STARD13: variants seen among roughly 807,000 people sequenced by gnomAD.
The protein encoded by STARD13 is stAR-related lipid transfer protein 13.
STARD13 carries 62 observed loss-of-function variants against 106.4 expected under a neutral mutation model. The ratio of observed to expected loss-of-function variants is 0.58; its 90% confidence interval spans 0.48 to 0.72. The LOEUF (loss-of-function observed/expected upper bound fraction) is 0.72. Among genes scored for constraint, STARD13 ranks in the 30% least tolerant of loss-of-function variants. The probability of loss-of-function intolerance (pLI) is 0.00; values close to 1 mark genes in which losing one functional copy is unlikely to be tolerated. For missense variants in STARD13, 1,387 were observed against 1,424.0 expected (o/e 0.97, Z 0.42); for synonymous variants, 565 against 553.0 (o/e 1.02, Z -0.31).
intron 1 of STARD13, among the ~76,000 whole-genome samples, chr13:33,255,104 C>CA (rs139016091): frequency 2.8e-5 from 4 of 144,780 alleles, no homozygotes; most frequent in East Asian, 3.9e-4. Flanking sequence ...GTGCTCCCCC[C>CA]CCCCTCAGAG....
chr13:33,396,702 G>A, the STARD13 span, among the ~76,000 whole-genome samples: 1 of 152,148 alleles, frequency 6.6e-6, no homozygotes, highest in Non-Finnish European at 1.5e-5. Flanking sequence ...ATTCTACCAT[G>A]TTGGGGTAGA....
At chr13:33,468,288 A>G in the STARD13 span, among the ~76,000 whole-genome samples, 1 of 152,140 alleles carries the variant, frequency 6.6e-6, no homozygotes, top group African/African-American at 2.4e-5. Flanking sequence ...GATGTGAAAC[A>G]TTTTATCTTT....
chr13:33,143,066 G>A (rs1420402054), intron 3 of STARD13, among the ~76,000 whole-genome samples: 1 of 152,300 alleles, frequency 6.6e-6, no homozygotes, highest in South Asian at 2.1e-4. Flanking sequence ...GACATCTACA[G>A]GTCACAGGAC....
At chr13:33,420,445 T>C in the STARD13 span, among the ~76,000 whole-genome samples, 1 of 152,184 alleles carries the variant, frequency 6.6e-6, no homozygotes, top group Non-Finnish European at 1.5e-5. Flanking sequence ...AGCACCTGGA[T>C]TTATAAAGCA....
chr13:33,608,127 G>T, the STARD13 span, among the ~76,000 whole-genome samples: 2 of 152,048 alleles, frequency 1.3e-5, no homozygotes, highest in African/African-American at 4.8e-5. Flanking sequence ...GACTGGTCTG[G>T]AACTCCAGGC....
chr13:33,348,856 G>A, exon 2 of STARD13: 1 of 387,056 alleles, frequency 2.6e-6, no homozygotes, highest in South Asian at 3.1e-5. Context: ...TGGCCACTGT[G>A]TTGGAGAGAA....
intron 1 of STARD13, among the ~76,000 whole-genome samples, chr13:33,270,549 T>C (rs145817790): frequency 2.0e-5 from 3 of 152,324 alleles, no homozygotes; most frequent in Non-Finnish European, 4.4e-5. Context: ...AGTATTCCCA[T>C]TTCATAGATT....
intron 1 of STARD13, among the ~76,000 whole-genome samples, chr13:33,322,386 G>A (rs1055294833): frequency 9.2e-5 from 14 of 152,150 alleles, no homozygotes; most frequent in African/African-American, 1.7e-4. Flanking sequence ...CGTTTGTACC[G>A]TTCTCCACGC....
the STARD13 span, among the ~76,000 whole-genome samples, chr13:33,366,180 A>G: frequency 6.6e-6 from 1 of 152,090 alleles, no homozygotes; most frequent in Non-Finnish European, 1.5e-5. This position sits in a 1 kb window ranked among gnomAD's most constrained non-coding sequence, Gnocchi z 4.2. Flanking sequence ...CATCACTTAT[A>G]TGTATATATT....
intron 1 of STARD13, among the ~76,000 whole-genome samples, chr13:33,303,343 G>T (rs1282147358): frequency 6.6e-6 from 1 of 152,160 alleles, no homozygotes; most frequent in Admixed American, 6.6e-5. Context: ...AGGCAGTGTG[G>T]TATATCAGAA....
chr13:33,671,215 C>A, the STARD13 span, among the ~76,000 whole-genome samples: 24 of 152,168 alleles, frequency 1.6e-4, no homozygotes, highest in African/African-American at 5.8e-4. Context: ...AACTGTTCAG[C>A]AATTAATTAA....
intron 3 of STARD13, 107 bp downstream of exon 3, chr13:33,165,230 A>T: frequency 1.2e-6 from 1 of 825,540 alleles, no homozygotes; most frequent in Non-Finnish European, 2.1e-6. Context: ...GGCACATGGT[A>T]GGCACTCAGT....
In STARD13 at chr13:33,104,252, T is replaced by C. The variant is rs1465754447; in HGVS notation, c.*1341A>G. On this transcript the variant is annotated 3_prime_UTR_variant, in exon 14 of 14. Transcript: ENST00000336934. ...ACAATAAAAAGCACATTCGATCCAT[T>C]AGCAGTTGGCTAAAGGGAGTCAATT... 6.6e-6 allele frequency: 1 copy of C among 152,246 alleles called. No individual in the cohort carries two copies. Among genetic ancestry groups the C allele is most frequent in the Non-Finnish European group, 1.5e-5 (1 of 68,036 alleles). The allele number at this position is 152,246 out of a possible 1,614,324, so 9.4% of individuals were successfully genotyped here.
chr13:33,459,920 T>C, the STARD13 span, among the ~76,000 whole-genome samples: 1 of 152,240 alleles, frequency 6.6e-6, no homozygotes, highest in Admixed American at 6.5e-5. Flanking sequence ...GATGCCATTC[T>C]AACCTTTGTT....
At chr13:33,277,829 G>C (rs1457660428) in intron 1 of STARD13, 4 of 152,166 alleles carry the variant, frequency 2.6e-5, no homozygotes, top group Non-Finnish European at 5.9e-5. Context: ...TACCGACTCA[G>C]CTTTCTGTTC....
chr13:33,219,062 T>C (rs1397795135), intron 1 of STARD13, among the ~76,000 whole-genome samples: 1 of 152,198 alleles, frequency 6.6e-6, no homozygotes, highest in Admixed American at 6.5e-5. Context: ...GTGTTTACTA[T>C]ATCTATTGTG....
chr13:33,499,511 C>CTTCT, the STARD13 span, among the ~76,000 whole-genome samples: 539 of 69,100 alleles, frequency 7.8e-3, 73 homozygotes, highest in African/African-American at 0.03. Flanking sequence ...TCTTCTTCTT[C>CTTCT]TTCTTTCTTT....
the STARD13 span, among the ~76,000 whole-genome samples, chr13:33,509,898 CG>C: frequency 6.6e-6 from 1 of 152,140 alleles, no homozygotes; most frequent in Non-Finnish European, 1.5e-5. Flanking sequence ...GTCCATCTGA[CG>C]CATAGCTGTG....
the STARD13 span, among the ~76,000 whole-genome samples, chr13:33,607,452 A>G: frequency 7.9e-5 from 12 of 151,948 alleles, no homozygotes; most frequent in Non-Finnish European, 1.8e-4. Flanking sequence ...GCGTGCCACC[A>G]CACCTGGCTA....
Sources: allele counts gnomAD v4.1 joint callset (sites outside exome capture counted in the v4.1 genomes callset), GRCh38; gene constraint gnomAD v4.1.1; non-coding constraint Gnocchi (gnomAD v3.1); transcripts MANE v1.5; gene names NCBI Gene and HGNC (gene_info 2026-07-23, HGNC 2026-07-21).